ESR1: variants seen among roughly 807,000 people sequenced by gnomAD.
ESR1 encodes estrogen receptor.
A neutral mutation model predicts 52.7 loss-of-function variants in ESR1; 12 were observed. The observed-to-expected ratio is 0.23, with a 90% confidence interval of 0.15 to 0.37. The LOEUF is 0.37. Ranked by LOEUF, ESR1 falls within the 10% of genes least tolerant of loss-of-function variation. The probability of loss-of-function intolerance (pLI) is 1.00; values close to 1 mark genes in which losing one functional copy is unlikely to be tolerated. For synonymous variants in ESR1, 305 were observed against 316.8 expected, an observed-to-expected ratio of 0.96 and a Z score of 0.39; for missense variants, 584 against 779.7, an observed-to-expected ratio of 0.75 and a Z score of 2.99.
At chr6:151,994,522 T>C (rs1349937273) in intron 4 of ESR1, among the ~76,000 whole-genome samples, 1 of 152,188 alleles carries the variant, frequency 6.6e-6, no homozygotes, top group East Asian at 1.9e-4. Flanking sequence ...TTCCTCCAGA[T>C]AGACCGTAAG....
intron 5 of ESR1, among the ~76,000 whole-genome samples, chr6:152,030,544 C>T (rs1277665581): frequency 6.6e-6 from 1 of 152,028 alleles, no homozygotes; most frequent in Non-Finnish European, 1.5e-5. Context: ...ACAAAGAAGG[C>T]CATTACATAA....
chr6:152,016,317 A>T (rs2043168624), intron 5 of ESR1, among the ~76,000 whole-genome samples: 1 of 152,142 alleles, frequency 6.6e-6, no homozygotes. Context: ...TATGTTAATG[A>T]TGAGGAATGT....
intron 1 of ESR1, among the ~76,000 whole-genome samples, chr6:151,679,789 A>G (rs969677204): frequency 6.6e-6 from 1 of 152,032 alleles, no homozygotes; most frequent in South Asian, 2.1e-4. Context: ...TGCCTGGGAC[A>G]CTCCGGTCTT....
At chr6:152,025,085 A>T (rs967877995) in intron 5 of ESR1, among the ~76,000 whole-genome samples, 33 of 151,690 alleles carry the variant, frequency 2.2e-4, no homozygotes, top group Non-Finnish European at 4.7e-4. Flanking sequence ...TACAAAGTTT[A>T]TAGGAATTTC....
At chr6:151,880,983 C>T (rs1583911064) in intron 3 of ESR1, among the ~76,000 whole-genome samples, 1 of 152,104 alleles carries the variant, frequency 6.6e-6, no homozygotes, top group South Asian at 2.1e-4. Flanking sequence ...TCTAACATGG[C>T]ATTTTGTGTT....
intron 5 of ESR1, among the ~76,000 whole-genome samples, chr6:152,045,451 A>G (rs2046151430): frequency 2.0e-5 from 3 of 152,078 alleles, no homozygotes; most frequent in Non-Finnish European, 4.4e-5. Context: ...GGCCTCTTAG[A>G]GGGTTGAGGA....
chr6:151,907,656 C>A (rs747656864), intron 3 of ESR1, among the ~76,000 whole-genome samples: 1 of 152,086 alleles, frequency 6.6e-6, no homozygotes, highest in Admixed American at 6.5e-5. Context: ...AATTATTTCC[C>A]GAATTGTATG....
At chr6:151,998,004 T>C (rs1488739739) in intron 4 of ESR1, among the ~76,000 whole-genome samples, 2 of 152,140 alleles carry the variant, frequency 1.3e-5, no homozygotes, top group Non-Finnish European at 2.9e-5. Flanking sequence ...CCTCTATACG[T>C]TAGCTTTTGG....
chr6:152,004,254 G>C (rs1444147673), intron 4 of ESR1, among the ~76,000 whole-genome samples: 1 of 152,042 alleles, frequency 6.6e-6, no homozygotes, highest in African/African-American at 2.4e-5. Flanking sequence ...AAGAATGTTT[G>C]AAGTAGAGTC....
intron 5 of ESR1, among the ~76,000 whole-genome samples, chr6:152,050,254 A>G (rs1221167840): frequency 6.6e-6 from 1 of 152,152 alleles, no homozygotes; most frequent in South Asian, 2.1e-4. Context: ...CTGCTGCTAA[A>G]TTGCTCCATG....
chr6:151,661,693 T>G (rs894172919), intron 1 of ESR1, among the ~76,000 whole-genome samples: 1 of 152,200 alleles, frequency 6.6e-6, no homozygotes, highest in African/African-American at 2.4e-5. Context: ...GATCCCCACA[T>G]GTCCAGGGAG....
intron 6 of ESR1, among the ~76,000 whole-genome samples, chr6:152,109,519 A>G (rs2051106490): frequency 2.0e-5 from 3 of 151,820 alleles, no homozygotes; most frequent in African/African-American, 7.3e-5. Flanking sequence ...AAAAAAAAGA[A>G]AGAAAGAAAA....
intron 2 of ESR1, among the ~76,000 whole-genome samples, chr6:151,719,468 A>G (rs1362737136): frequency 6.6e-6 from 1 of 152,134 alleles, no homozygotes; most frequent in Non-Finnish European, 1.5e-5. Context: ...CAGAAGAAAG[A>G]GCCAGTGTTA....
chr6:151,800,588 C>A (rs1162840791), upstream of ESR1, among the ~76,000 whole-genome samples: 1 of 152,068 alleles, frequency 6.6e-6, no homozygotes, highest in Non-Finnish European at 1.5e-5. Context: ...CTTTTTCTGT[C>A]CTCCTCCTTC....
chr6:151,855,021 C>G (rs865811707), intron 2 of ESR1, among the ~76,000 whole-genome samples: 38 of 152,206 alleles, frequency 2.5e-4, no homozygotes, highest in African/African-American at 8.4e-4. Context: ...TCAAGCGATT[C>G]TCCTGCCTCA....
rs1554307518 is a variant in ESR1 at position 152,012,052 on chromosome 6, A to ACACT, written c.1235+259_1235+260insACTC. Among the ~76,000 whole-genome samples, 45 of 143,454 alleles carry ACACT rather than the reference A, an allele frequency of 3.1e-4. 1 individual carries two copies. The highest frequency in any genetic ancestry group is 1.1e-3 in the African/African-American group (42 of 38,836). The allele number at this position is 143,454 out of a possible 152,430, so 94.1% of individuals were successfully genotyped here. A position where few individuals can be genotyped will look rare whatever the true frequency, so the allele number is the denominator to read the frequency against. On this transcript the variant is annotated intron_variant, in intron 5 of 7. Coordinates refer to ENST00000206249, the MANE Select transcript of ESR1 (RefSeq NM_000125.4). ...CACACACACACACACACACACTCAC[A>ACACT]CTCTCTCTCTCTCTCTCTCTGTCAT...
intron 2 of ESR1, among the ~76,000 whole-genome samples, chr6:151,751,387 C>T (rs566806146): frequency 1.3e-5 from 2 of 152,276 alleles, no homozygotes; most frequent in Non-Finnish European, 2.9e-5. Flanking sequence ...TTTCTCTTCT[C>T]ACATGTTCCC....
intron 1 of ESR1, among the ~76,000 whole-genome samples, chr6:151,698,280 G>T (rs1779516447): frequency 6.6e-6 from 1 of 151,646 alleles, no homozygotes; most frequent in Non-Finnish European, 1.5e-5. Context: ...GTGAGAGGAT[G>T]ACTTAAGCCC....
chr6:152,126,240 C>T (rs980793652), exon 7 of ESR1: 3 of 152,182 alleles, frequency 2.0e-5, no homozygotes, highest in African/African-American at 4.8e-5. Context: ...TGGGAAAATG[C>T]CTGTCCCCTT....
Sources: gnomAD v4.1 joint callset for allele counts (sites outside exome capture counted in the v4.1 genomes callset) on GRCh38, gnomAD v4.1.1 for gene constraint, MANE v1.5 for transcripts, NCBI Gene and HGNC (gene_info 2026-07-23, HGNC 2026-07-21) for gene names.